CPA6: variants seen among roughly 807,000 people sequenced by gnomAD.
The protein encoded by CPA6 is carboxypeptidase B.
Under a neutral mutation model 63.3 loss-of-function variants are expected in CPA6, and 58 were observed. That is an observed-to-expected ratio of 0.92 (90% confidence interval 0.74 to 1.14). The LOEUF (loss-of-function observed/expected upper bound fraction) is 1.14. Ranked by LOEUF, CPA6 falls within the 50% of genes most tolerant of loss-of-function variation. CPA6 has a pLI of 0.00. For missense variants in CPA6, 565 were observed against 526.6 expected (o/e 1.07, Z -0.71); for synonymous variants, 185 against 179.0 (o/e 1.03, Z -0.27).
intron 1 of CPA6, among the ~76,000 whole-genome samples, chr8:67,631,972 C>T (rs1015271917): frequency 6.6e-6 from 1 of 152,166 alleles, no homozygotes; most frequent in African/African-American, 2.4e-5. Flanking sequence ...ACTCCAGACA[C>T]ACCACCTTTA....
intron 1 of CPA6, among the ~76,000 whole-genome samples, chr8:67,661,285 A>G (rs543079406): frequency 6.6e-6 from 1 of 152,232 alleles, no homozygotes; most frequent in African/African-American, 2.4e-5. Context: ...AGACGTGGGA[A>G]CGCAGCTGGT....
At chr8:67,500,240 G>A (rs1348142025) in intron 6 of CPA6, among the ~76,000 whole-genome samples, 1 of 151,932 alleles carries the variant, frequency 6.6e-6, no homozygotes, top group Non-Finnish European at 1.5e-5. Context: ...ATTATTTTTA[G>A]CCACTCAGAT....
intron 8 of CPA6, among the ~76,000 whole-genome samples, chr8:67,447,544 CACAT>C (rs1275190018): frequency 2.7e-3 from 329 of 122,434 alleles, no homozygotes; most frequent in East Asian, 0.012. Context: ...CACACACACA[CACAT>C]ACACATTTTA....
At chr8:67,570,678 A>C (rs1383330199) in intron 2 of CPA6, among the ~76,000 whole-genome samples, 2 of 152,202 alleles carry the variant, frequency 1.3e-5, no homozygotes, top group African/African-American at 4.8e-5. Context: ...CCAAAAAGCA[A>C]AAGTAAATAA....
intron 1 of CPA6, among the ~76,000 whole-genome samples, chr8:67,642,791 T>TCACACACACACACACA (rs1491449674): frequency 1.2e-3 from 110 of 89,426 alleles, no homozygotes; most frequent in Middle Eastern, 5.2e-3. Context: ...TGGGCCTTTA[T>TCACACACACACACACA]CTCACACACA....
intron 1 of CPA6, among the ~76,000 whole-genome samples, chr8:67,689,422 C>T (rs903792756): frequency 6.6e-6 from 1 of 152,188 alleles, no homozygotes; most frequent in Non-Finnish European, 1.5e-5. Context: ...TTTCAGCCCA[C>T]CTCTACCTCC....
intron 8 of CPA6, among the ~76,000 whole-genome samples, chr8:67,454,056 A>C (rs1810616968): frequency 6.6e-6 from 1 of 152,258 alleles, no homozygotes; most frequent in Non-Finnish European, 1.5e-5. Context: ...CAGCAGCAGA[A>C]TGGGCTATCA....
intron 2 of CPA6, among the ~76,000 whole-genome samples, chr8:67,564,114 T>C (rs557743595): frequency 1.8e-3 from 274 of 152,304 alleles, no homozygotes; most frequent in Non-Finnish European, 3.3e-3. Context: ...TGCCACATGA[T>C]AGGTGCTTAG....
intron 3 of CPA6, among the ~76,000 whole-genome samples, chr8:67,515,436 A>G (rs938404799): frequency 1.3e-5 from 2 of 152,088 alleles, no homozygotes; most frequent in Admixed American, 6.6e-5. Context: ...GCCGCATCAG[A>G]CATTTGACTC....
At chr8:67,599,996 C>G (rs1025696996) in intron 2 of CPA6, among the ~76,000 whole-genome samples, 1 of 151,684 alleles carries the variant, frequency 6.6e-6, no homozygotes, top group Admixed American at 6.6e-5. Flanking sequence ...TTGATAACAA[C>G]AGTTATCAAA....
In CPA6 at chr8:67,666,707, A is replaced by G. The variant is rs540691005; in HGVS notation, c.117-42456T>C. ...GGGGCTGCTTGGGGGTGTGACTGTGATATAGGCTCATGACACGATGTCCCT... is the reference window on the plus strand; with the variant it reads ...GGGGCTGCTTGGGGGTGTGACTGTGGTATAGGCTCATGACACGATGTCCCT... On this transcript the variant is annotated intron_variant, in intron 1 of 10. Transcript: ENST00000297770. Among the ~76,000 whole-genome samples the G allele has an allele frequency of 7.2e-5, 11 of 152,154 alleles. No homozygotes were observed. In the South Asian group the frequency reaches 2.3e-3, roughly 32 times the overall value.
At chr8:67,449,742 C>A (rs922467044) in intron 8 of CPA6, among the ~76,000 whole-genome samples, 3 of 151,762 alleles carry the variant, frequency 2.0e-5, no homozygotes, top group African/African-American at 7.3e-5. Context: ...CTCTCATGTT[C>A]TCCCTTCCTG....
At chr8:67,506,923 G>A in intron 5 of CPA6, 35 bp from the exon 6 acceptor site, 1 of 1,416,624 alleles carries the variant, frequency 7.1e-7, no homozygotes, top group Non-Finnish European at 1.0e-6. Flanking sequence ...ACCAACTCAG[G>A]CTTTTAGATT....
intron 2 of CPA6, among the ~76,000 whole-genome samples, chr8:67,554,771 G>A (rs2128973468): frequency 6.6e-6 from 1 of 152,314 alleles, no homozygotes; most frequent in South Asian, 2.1e-4. Context: ...CAAGGTAGAA[G>A]AGGGGTGACC....
intron 8 of CPA6, among the ~76,000 whole-genome samples, chr8:67,452,044 AT>A (rs1810568390): frequency 6.6e-6 from 1 of 152,240 alleles, no homozygotes; most frequent in Non-Finnish European, 1.5e-5. Flanking sequence ...ATAGAGAAAA[AT>A]AGGACCATTA....
chr8:67,522,533 T>C (rs979081575), intron 2 of CPA6, among the ~76,000 whole-genome samples: 15 of 152,168 alleles, frequency 9.9e-5, no homozygotes, highest in African/African-American at 2.9e-4. Flanking sequence ...GAACAAGCTA[T>C]GACATGCTGC....
intron 1 of CPA6, among the ~76,000 whole-genome samples, chr8:67,653,534 C>A (rs1375868918): frequency 1.3e-5 from 2 of 151,628 alleles, no homozygotes; most frequent in African/African-American, 4.8e-5. Flanking sequence ...CATGATTTGG[C>A]TCTCTGTTTG....
At chr8:67,522,529 G>A (rs1812280428) in intron 2 of CPA6, among the ~76,000 whole-genome samples, 1 of 152,232 alleles carries the variant, frequency 6.6e-6, no homozygotes. Context: ...GACTGAACAA[G>A]CTATGACATG....
At chr8:67,731,871 A>T (rs1378119716) in intron 1 of CPA6, among the ~76,000 whole-genome samples, 1 of 152,252 alleles carries the variant, frequency 6.6e-6, no homozygotes, top group Non-Finnish European at 1.5e-5. Flanking sequence ...AGAGGATGTT[A>T]GGCTCAAAAT....
Sources: allele counts gnomAD v4.1 joint callset (sites outside exome capture counted in the v4.1 genomes callset), GRCh38; gene constraint gnomAD v4.1.1; transcripts MANE v1.5; gene names NCBI Gene and HGNC (gene_info 2026-07-23, HGNC 2026-07-21).